PARD3: variants seen among roughly 807,000 people sequenced by gnomAD.
PARD3 encodes partitioning defective 3 homolog.
Under a neutral mutation model 155.4 loss-of-function variants are expected in PARD3, and 75 were observed. The observed-to-expected ratio is 0.48, with a 90% CI of 0.40 to 0.58. PARD3 has a LOEUF of 0.58. Among genes scored for constraint, PARD3 ranks in the 20% least tolerant of loss-of-function variants. The pLI is 0.00. For missense variants in PARD3, 1,642 were observed against 1,721.7 expected (o/e 0.95, Z 0.82); for synonymous variants, 576 against 610.5 (o/e 0.94, Z 0.83).
intron 1 of PARD3, among the ~76,000 whole-genome samples, chr10:34,757,115 C>A (rs1304921530): frequency 6.6e-6 from 1 of 152,166 alleles, no homozygotes; most frequent in African/African-American, 2.4e-5. Context: ...TCTATGACAG[C>A]ATTTTGCATC....
At chr10:34,272,520 A>T (rs1247510566) in intron 21 of PARD3, among the ~76,000 whole-genome samples, 1 of 152,162 alleles carries the variant, frequency 6.6e-6, no homozygotes, top group Non-Finnish European at 1.5e-5. Context: ...GCTTGAGCCC[A>T]GGAGTTCTAG....
intron 2 of PARD3, among the ~76,000 whole-genome samples, chr10:34,559,037 AT>A (rs371540947): frequency 0.016 from 2,370 of 150,558 alleles, 38 homozygotes; most frequent in Non-Finnish European, 0.021. Flanking sequence ...TTGAAAACTC[AT>A]TTTTCCCCCC....
intron 22 of PARD3, among the ~76,000 whole-genome samples, chr10:34,163,770 A>G (rs2786555): frequency 0.18 from 28,010 of 152,208 alleles, 2,944 homozygotes; most frequent in Middle Eastern, 0.34. Context: ...ACGCACCGTT[A>G]CGGGGGAACT....
At chr10:34,235,410 G>T (rs1018985865) in intron 22 of PARD3, among the ~76,000 whole-genome samples, 2 of 152,152 alleles carry the variant, frequency 1.3e-5, no homozygotes, top group African/African-American at 4.8e-5. Flanking sequence ...TTCCAGAGTC[G>T]ACCACATTGA....
chr10:34,112,316 CA>C (rs1946427035), intron 24 of PARD3, among the ~76,000 whole-genome samples: 1 of 152,214 alleles, frequency 6.6e-6, no homozygotes, highest in Admixed American at 6.5e-5. Context: ...GCAAGTAAAT[CA>C]GAGTCACATG....
chr10:34,693,031 TATTA>T (rs1399064176), intron 2 of PARD3, among the ~76,000 whole-genome samples: 2 of 152,164 alleles, frequency 1.3e-5, no homozygotes, highest in African/African-American at 4.8e-5. Flanking sequence ...GAGTGGCAAT[TATTA>T]AATAAAACAA....
chr10:34,800,956 C>A (rs1215316722), intron 1 of PARD3, among the ~76,000 whole-genome samples: 1 of 152,160 alleles, frequency 6.6e-6, no homozygotes, highest in East Asian at 1.9e-4. Context: ...AGAAACAATG[C>A]AGGGCCAAAA....
At chr10:34,405,892 C>T (rs905287627) in intron 5 of PARD3, among the ~76,000 whole-genome samples, 5 of 152,176 alleles carry the variant, frequency 3.3e-5, no homozygotes, top group Non-Finnish European at 7.3e-5. Context: ...CAGGGAGTAT[C>T]TTTGCTTGCT....
At chr10:34,579,156 G>C (rs1274498801) in intron 2 of PARD3, among the ~76,000 whole-genome samples, 2 of 152,122 alleles carry the variant, frequency 1.3e-5, no homozygotes, top group African/African-American at 4.8e-5. Flanking sequence ...TGTAATCCCA[G>C]CTACTCAGGA....
At chr10:34,227,873 TATATATATATAC>T (rs1952696917) in intron 22 of PARD3, among the ~76,000 whole-genome samples, 3 of 128,638 alleles carry the variant, frequency 2.3e-5, no homozygotes, top group Non-Finnish European at 3.4e-5. Flanking sequence ...TATATATATA[TATATATATATAC>T]TGGGAATATA....
rs1843676313 is a variant in PARD3 at position 34,399,523 on chromosome 10, A to G, written c.807-110T>C. On this transcript the variant is annotated intron_variant, in intron 6 of 24. Transcript: ENST00000374788. ...CAACACAGACACACAATAAACAACAAAAGAGAACAGAACAAAAATCCCACC... is the reference window on the plus strand; with the variant it reads ...CAACACAGACACACAATAAACAACAGAAGAGAACAGAACAAAAATCCCACC... 8.2e-6 allele frequency: 6 copies of G among 729,450 alleles called. No individual in the cohort carries two copies. The East Asian group carries it at 1.5e-4, about 18-fold the overall frequency. 45.2% of individuals were successfully genotyped at this position (729,450 alleles called of 1,614,324 possible).
intron 1 of PARD3, among the ~76,000 whole-genome samples, chr10:34,739,900 T>C (rs191180777): frequency 6.6e-6 from 1 of 152,012 alleles, no homozygotes; most frequent in African/African-American, 2.4e-5. Flanking sequence ...CCTATCTCTG[T>C]CAAAGAAAGG....
At chr10:34,592,356 G>A (rs1202990006) in intron 2 of PARD3, among the ~76,000 whole-genome samples, 1 of 152,182 alleles carries the variant, frequency 6.6e-6, no homozygotes, top group Non-Finnish European at 1.5e-5. Context: ...CAAAGGCACA[G>A]GTGAGGACAT....
intron 2 of PARD3, among the ~76,000 whole-genome samples, chr10:34,669,682 C>T (rs887951934): frequency 2.8e-4 from 42 of 152,058 alleles, no homozygotes; most frequent in African/African-American, 9.6e-4. Context: ...AATTTGCTTG[C>T]AACAAATGAA....
chr10:34,686,695 C>G (rs563784719), intron 2 of PARD3, among the ~76,000 whole-genome samples: 1 of 151,170 alleles, frequency 6.6e-6, no homozygotes, highest in South Asian at 2.1e-4. Flanking sequence ...GAACTGTGAT[C>G]GTACCATTGC....
At chr10:34,573,397 G>A (rs946589764) in intron 2 of PARD3, among the ~76,000 whole-genome samples, 3 of 151,616 alleles carry the variant, frequency 2.0e-5, no homozygotes, top group East Asian at 3.9e-4. Flanking sequence ...TACAGTCTTC[G>A]CTAAGTAAGA....
chr10:34,222,398 G>C (rs768466542), intron 22 of PARD3, among the ~76,000 whole-genome samples: 1 of 152,156 alleles, frequency 6.6e-6, no homozygotes, highest in South Asian at 2.1e-4. Flanking sequence ...TGCAGAAAGC[G>C]GTCCCTCCTA....
chr10:34,158,949 T>C (rs1949143439), intron 22 of PARD3, among the ~76,000 whole-genome samples: 1 of 152,248 alleles, frequency 6.6e-6, no homozygotes, highest in African/African-American at 2.4e-5. Flanking sequence ...ACATTGATGC[T>C]GCCCATATCT....
chr10:34,432,337 TACACAC>T (rs71917947), intron 5 of PARD3, among the ~76,000 whole-genome samples: 3,388 of 143,514 alleles, frequency 0.024, 56 homozygotes, highest in African/African-American at 0.056. Context: ...CACGTGCACA[TACACAC>T]ACACACACAC....
Sources: gnomAD v4.1 joint callset for allele counts (sites outside exome capture counted in the v4.1 genomes callset) on GRCh38, gnomAD v4.1.1 for gene constraint, MANE v1.5 for transcripts, NCBI Gene and HGNC (gene_info 2026-07-23, HGNC 2026-07-21) for gene names.